Variants in NRXN1 observed in about 807,000 individuals in gnomAD.
The protein encoded by NRXN1 is neurexin 1.
In NRXN1, 39 loss-of-function variants were observed where a neutral mutation model predicts 150.9. The observed-to-expected ratio is 0.26, with a 90% CI of 0.20 to 0.34. The LOEUF (loss-of-function observed/expected upper bound fraction) is 0.34. Ranked by LOEUF, NRXN1 falls within the 10% of genes least tolerant of loss-of-function variation. The probability of loss-of-function intolerance (pLI) is 1.00; values close to 1 mark genes in which losing one functional copy is unlikely to be tolerated. For synonymous variants in NRXN1, 924 were observed against 757.0 expected (o/e 1.22, Z -3.62); for missense variants, 1,815 against 1,949.9 (o/e 0.93, Z 1.30).
chr2:50,713,395 A>T (rs1273756326), intron 5 of NRXN1, among the ~76,000 whole-genome samples: 2 of 152,088 alleles, frequency 1.3e-5, no homozygotes, highest in Non-Finnish European at 2.9e-5. Flanking sequence ...ATATCTTTAC[A>T]CAGGGCAAAT....
intron 16 of NRXN1, chr2:50,466,337 A>T: frequency 2.6e-6 from 1 of 383,750 alleles, no homozygotes; most frequent in Non-Finnish European, 5.2e-6. Flanking sequence ...ACGTTCAAGA[A>T]AGGAAAAGAA....
rs1575278010 is a variant in NRXN1 at position 51,027,932 on chromosome 2, C to A, written c.342G>T (p.Trp114Cys). Reference sequence around the variant, plus strand: ...ACTGGCGGCGGATGCGCACGCTGTGCCAGGCGCCGTCGTTAACCGGCGTGT... The same window carrying A: ...ACTGGCGGCGGATGCGCACGCTGTGACAGGCGCCGTCGTTAACCGGCGTGT... ...LADTPVNDGA[W>C]HSVRIRRQFR... The change falls in exon 2 of 23, where the codon TGG becomes TGT. Residue 114 changes from tryptophan (W) to cysteine (C), a missense_variant. Transcript: ENST00000401669. The A allele has an allele frequency of 6.2e-7, 1 of 1,605,456 alleles. No individual in the cohort carries two copies. The highest frequency in any genetic ancestry group is 1.7e-5 in the Admixed American group (1 of 60,002).
intron 18 of NRXN1, among the ~76,000 whole-genome samples, chr2:50,191,248 C>T (rs1241737879): frequency 6.6e-6 from 1 of 151,046 alleles, no homozygotes; most frequent in Admixed American, 6.6e-5. Flanking sequence ...CTATGTTGGC[C>T]AGGCTGATCT....
At chr2:50,296,328 G>A (rs551988814) in intron 17 of NRXN1, among the ~76,000 whole-genome samples, 1 of 152,210 alleles carries the variant, frequency 6.6e-6, no homozygotes, top group East Asian at 1.9e-4. Flanking sequence ...TCATGCAATT[G>A]CCACAAGAGT....
At chr2:50,580,631 A>G (rs746914751) in intron 8 of NRXN1, among the ~76,000 whole-genome samples, 1 of 152,210 alleles carries the variant, frequency 6.6e-6, no homozygotes, top group African/African-American at 2.4e-5. Flanking sequence ...GAAGGTTGGA[A>G]GAAAGTAGAG....
At chr2:50,804,475 G>T (rs895952897) in intron 5 of NRXN1, among the ~76,000 whole-genome samples, 1 of 152,140 alleles carries the variant, frequency 6.6e-6, no homozygotes, top group African/African-American at 2.4e-5. Context: ...TCAGAGCCAA[G>T]ATTTGAAGTT....
At chr2:51,006,062 T>C (rs1199145998) in intron 2 of NRXN1, among the ~76,000 whole-genome samples, 1 of 151,816 alleles carries the variant, frequency 6.6e-6, no homozygotes, top group Non-Finnish European at 1.5e-5. Flanking sequence ...TTCTTGGATT[T>C]CTCGGTATGA....
chr2:50,437,200 G>T (rs2085520338), intron 17 of NRXN1, among the ~76,000 whole-genome samples: 1 of 152,190 alleles, frequency 6.6e-6, no homozygotes, highest in Non-Finnish European at 1.5e-5. Context: ...AAAGACATAA[G>T]TAAGCAGTAT....
At chr2:50,439,650 A>G (rs999700840) in intron 17 of NRXN1, among the ~76,000 whole-genome samples, 2 of 151,926 alleles carry the variant, frequency 1.3e-5, no homozygotes, top group Admixed American at 6.6e-5. Context: ...ACTAAAAAAA[A>G]AATAAAAATA....
chr2:50,992,205 A>G (rs1198123511), intron 2 of NRXN1, among the ~76,000 whole-genome samples: 2 of 152,146 alleles, frequency 1.3e-5, no homozygotes, highest in East Asian at 3.9e-4. Flanking sequence ...TAATGAGTTT[A>G]TTTAGTATAA....
intron 5 of NRXN1, among the ~76,000 whole-genome samples, chr2:50,788,115 C>G (rs1705392285): frequency 6.7e-6 from 1 of 149,610 alleles, no homozygotes; most frequent in Non-Finnish European, 1.5e-5. Flanking sequence ...TTTTTTGAGA[C>G]TTGCTCTGTC....
At chr2:50,809,432 G>A (rs368895690) in intron 5 of NRXN1, among the ~76,000 whole-genome samples, 2 of 152,050 alleles carry the variant, frequency 1.3e-5, no homozygotes, top group African/African-American at 4.8e-5. Flanking sequence ...CTTTCCTAGA[G>A]AGAAAAAATA....
intron 18 of NRXN1, among the ~76,000 whole-genome samples, chr2:50,159,746 T>C (rs2059247911): frequency 6.6e-6 from 1 of 151,988 alleles, no homozygotes; most frequent in South Asian, 2.1e-4. Flanking sequence ...GGCAAAGAAA[T>C]AGGAAAAATG....
chr2:50,933,599 G>A (rs749366992), intron 2 of NRXN1, among the ~76,000 whole-genome samples: 13 of 152,078 alleles, frequency 8.5e-5, no homozygotes, highest in Admixed American at 2.0e-4. Context: ...TATATATGTA[G>A]TTATTTGAGT....
chr2:50,071,100 T>A (rs1203666251), intron 19 of NRXN1, among the ~76,000 whole-genome samples: 7 of 152,204 alleles, frequency 4.6e-5, no homozygotes, highest in Non-Finnish European at 8.8e-5. Flanking sequence ...CTTCTCCATC[T>A]TTTTTATAGC....
At chr2:50,463,795 C>A (rs908540600) in intron 17 of NRXN1, among the ~76,000 whole-genome samples, 1 of 151,660 alleles carries the variant, frequency 6.6e-6, no homozygotes, top group East Asian at 1.9e-4. Flanking sequence ...CTACATTAAG[C>A]ATAGTTTGGC....
intron 22 of NRXN1, among the ~76,000 whole-genome samples, chr2:49,925,255 G>A (rs1002401773): frequency 6.9e-6 from 1 of 144,964 alleles, no homozygotes; most frequent in Admixed American, 7.1e-5. Context: ...CTCCAGCCTG[G>A]CAACAGAGCG....
At chr2:50,398,528 CA>C (rs1334346563) in intron 17 of NRXN1, among the ~76,000 whole-genome samples, 1 of 152,048 alleles carries the variant, frequency 6.6e-6, no homozygotes, top group Non-Finnish European at 1.5e-5. Flanking sequence ...GTAGGATACA[CA>C]TGAGACCTCA....
At chr2:50,549,554 T>C (rs1203340534) in intron 9 of NRXN1, among the ~76,000 whole-genome samples, 1 of 152,204 alleles carries the variant, frequency 6.6e-6, no homozygotes, top group Admixed American at 6.5e-5. Context: ...TCATGCTTCG[T>C]TTATTTTCTT....
Sources: gnomAD v4.1 joint callset for allele counts (sites outside exome capture counted in the v4.1 genomes callset) on GRCh38, gnomAD v4.1.1 for gene constraint, MANE v1.5 for transcripts, NCBI Gene and HGNC (gene_info 2026-07-23, HGNC 2026-07-21) for gene names.